VWA3A: variants seen among roughly 807,000 people sequenced by gnomAD.
The protein encoded by VWA3A is von Willebrand factor A domain-containing protein 3A.
In VWA3A, 134 loss-of-function variants were observed where a neutral mutation model predicts 160.4. That is an observed-to-expected ratio of 0.84 (90% CI 0.73 to 0.96). The LOEUF (loss-of-function observed/expected upper bound fraction) is 0.96, where lower values mean the gene tolerates loss of function less well. Ranked by LOEUF, VWA3A falls within the 40% of genes least tolerant of loss-of-function variation. The probability of loss-of-function intolerance (pLI) is 0.00; values close to 1 mark genes in which losing one functional copy is unlikely to be tolerated. For synonymous variants in VWA3A, 476 were observed against 543.4 expected (o/e 0.88, Z 1.72); for missense variants, 1,310 against 1,447.9 (o/e 0.90, Z 1.55).
intron 19 of VWA3A, among the ~76,000 whole-genome samples, chr16:22,132,065 C>G (rs548720697): frequency 6.6e-6 from 1 of 152,168 alleles, no homozygotes; most frequent in African/African-American, 2.4e-5. Flanking sequence ...AAGACCCCAT[C>G]TCTACAAAAA....
intron 23 of VWA3A, among the ~76,000 whole-genome samples, chr16:22,140,961 C>T (rs538026555): frequency 2.6e-5 from 4 of 152,242 alleles, no homozygotes; most frequent in African/African-American, 4.8e-5. Flanking sequence ...GTAACTAAAA[C>T]GATCAATGAT....
At position 22,119,022 on chromosome 16, in the gene VWA3A, G is replaced by A. The variant is rs1009706485; in HGVS notation, c.1111G>A (p.Glu371Lys). ...CTGTGAGGCGCTCACCTGCACCATG[G>A]AGGAGGTAGGTGGTGCGAGTGTCAA... ...SPCEALTCTM[E>K]EISTEITNGP... The change falls in exon 12 of 34, where the codon GAG becomes AAG. Residue 371 changes from glutamate to lysine, a missense_variant. Glu to Lys is a moderately conservative substitution (Grantham distance 56, BLOSUM62 1). Transcript: ENST00000389398. 9 of 1,610,088 alleles carry A rather than the reference G, an allele frequency of 5.6e-6. No individual in the cohort carries two copies. The African/African-American group carries it at 8.0e-5, about 14-fold the overall frequency.
At position 22,116,983 on chromosome 16, in the gene VWA3A, C is replaced by T. The variant is rs2045660033; in HGVS notation, c.924+116C>T. 9.9e-6 allele frequency: 14 copies of T among 1,408,220 alleles called. 1 individual carries two copies. In the South Asian group the frequency reaches 1.5e-4, roughly 15 times the overall value. 87.2% of individuals were successfully genotyped at this position (1,408,220 alleles called of 1,614,324 possible). On this transcript the variant is annotated intron_variant, in intron 10 of 33. Transcript: ENST00000389398. ...GAGCTGTGGACCAGAATGCACCTGT[C>T]CCTGTGCCTGGTTCTCCCTTTGGTA...
At chr16:22,138,312 T>TGG (rs1206853477) in intron 21 of VWA3A, 48 bp from the exon 22 acceptor site, 6 of 1,541,704 alleles carry the variant, frequency 3.9e-6, no homozygotes, top group Non-Finnish European at 5.3e-6. Context: ...TGTGTGTGTG[T>TGG]GTCCACAGTG....
chr16:22,144,420 C>T (rs754586833), intron 26 of VWA3A, 36 bp downstream of exon 26: 2 of 1,607,276 alleles, frequency 1.2e-6, no homozygotes, highest in Non-Finnish European at 1.7e-6. Flanking sequence ...TTTTTTTTCT[C>T]CCCCAACTCA....
intron 16 of VWA3A, 38 bp downstream of exon 16, chr16:22,123,745 C>G (rs779320656): frequency 4.5e-6 from 7 of 1,571,130 alleles, no homozygotes; most frequent in African/African-American, 1.4e-5. Flanking sequence ...CTTCATGGGT[C>G]TGGTGTGTGA....
chr16:22,097,217 G>A (rs944750197), intron 2 of VWA3A, among the ~76,000 whole-genome samples: 8 of 152,004 alleles, frequency 5.3e-5, no homozygotes, highest in African/African-American at 7.2e-5. Flanking sequence ...CGCCCGTCTC[G>A]GCCTCCCAAA....
intron 23 of VWA3A, among the ~76,000 whole-genome samples, 181 bp downstream of exon 23, chr16:22,140,425 T>C (rs924206676): frequency 1.3e-5 from 2 of 151,976 alleles, no homozygotes; most frequent in African/African-American, 4.8e-5. Flanking sequence ...CTTGACAACA[T>C]AGCAAGACTC....
chr16:22,096,066 G>A (rs1445404835), intron 1 of VWA3A, among the ~76,000 whole-genome samples: 1 of 152,128 alleles, frequency 6.6e-6, no homozygotes, highest in Non-Finnish European at 1.5e-5. Flanking sequence ...GACATTTCTG[G>A]TTGTCACATT....
At chr16:22,123,019 G>A in intron 14 of VWA3A, 66 bp from the exon 15 acceptor site, 4 of 1,392,420 alleles carry the variant, frequency 2.9e-6, no homozygotes, top group Non-Finnish European at 3.0e-6. Context: ...TGGAGAACCA[G>A]TGCCCAAATT....
Position 22,100,513 on chromosome 16 carries a change from T to C in VWA3A, c.428+20T>C. 1 of 1,546,566 alleles carries C rather than the reference T, an allele frequency of 6.5e-7. No individual in the cohort carries two copies. Among genetic ancestry groups the C allele is most frequent in the African/African-American group, 1.4e-5 (1 of 72,990 alleles). On this transcript the variant is annotated intron_variant, in intron 5 of 33. Transcript: ENST00000389398. The stretch of plus-strand genomic sequence containing the variant: ...TTCTGAGTAAGTATGTTTCTCACTG[T>C]CCTCCCAACACCACAGAACTCAAGA...
chr16:22,154,960 C>CAAAAAAAAAAAAAAAAAAAA (rs747770335), intron 31 of VWA3A, among the ~76,000 whole-genome samples: 2 of 54,446 alleles, frequency 3.7e-5, no homozygotes, highest in African/African-American at 1.2e-4. Flanking sequence ...GACTCCGTCT[C>CAAAAAAAAAAAAAAAAAAAA]AAAAAAAAAA....
chr16:22,152,834 G>A (rs548638389), intron 31 of VWA3A, among the ~76,000 whole-genome samples, 200 bp downstream of exon 31: 47 of 152,244 alleles, frequency 3.1e-4, no homozygotes, highest in African/African-American at 1.1e-3. Flanking sequence ...GCTTTTCGTT[G>A]AGACAAAATA....
intron 1 of VWA3A, among the ~76,000 whole-genome samples, chr16:22,095,456 G>A (rs2045302517): frequency 6.6e-6 from 1 of 152,204 alleles, no homozygotes. Flanking sequence ...GTCCTCAGAT[G>A]CCATCTGAAG....
At position 22,110,884 on chromosome 16, in the gene VWA3A, A is replaced by G. The variant is rs957755869; in HGVS notation, c.583-4A>G. ...GGAGCCAGTGATGTCCTTTTGTCCA[A>G]CAGAGCCTCATCGATGAGCAGCTGA... On this transcript the variant is annotated splice_region_variant and splice_polypyrimidine_tract_variant and intron_variant, in intron 7 of 33. Transcript: ENST00000389398. 1 of 1,601,734 alleles carries G rather than the reference A, an allele frequency of 6.2e-7. No individual in the cohort carries two copies. Among genetic ancestry groups the G allele is most frequent in the Admixed American group, 1.7e-5 (1 of 57,930 alleles).
chr16:22,123,656 A>C lies in VWA3A; in HGVS notation c.1481A>C (p.Glu494Ala). The change falls in exon 16 of 34, where the codon GAG becomes GCG. Residue 494 changes from glutamate to alanine, a missense_variant. Transcript: ENST00000389398. The stretch of plus-strand genomic sequence containing the variant: ...ATGCGGATGTATGAGAGGCGGATTG[A>C]GTGGCTCTCCCTGGCCAGCAGAAGA... ...RAMRMYERRI[E>A]WLSLASRRIW... 1.2e-6 allele frequency: 2 copies of C among 1,613,968 alleles called. No homozygotes were observed. Among genetic ancestry groups the C allele is most frequent in the Non-Finnish European group, 1.7e-6 (2 of 1,179,886 alleles).
rs183780967 is a variant in VWA3A at position 22,146,698 on chromosome 16, C to G, written c.2839+354C>G. ...ACTCAGGAGGCTGAGGCAGGAAAAT[C>G]GCAGAGGTTGCAGTGAGCTGAGATC... On this transcript the variant is annotated intron_variant, in intron 27 of 33. Coordinates refer to ENST00000389398, the MANE Select transcript of VWA3A (RefSeq NM_173615.5). Among the ~76,000 whole-genome samples the G allele has an allele frequency of 2.0e-5, 3 of 151,884 alleles. No homozygotes were observed. In the East Asian group the frequency reaches 5.8e-4, roughly 29 times the overall value.
intron 28 of VWA3A, among the ~76,000 whole-genome samples, chr16:22,149,443 C>T (rs1232621749): frequency 6.6e-6 from 1 of 152,168 alleles, no homozygotes; most frequent in East Asian, 1.9e-4. Flanking sequence ...GGGGGTCTCA[C>T]TATGTTGCCC....
chr16:22,152,452 TCA>T (rs1433634806), intron 30 of VWA3A, 57 bp from the exon 31 acceptor site: 1 of 1,594,310 alleles, frequency 6.3e-7, no homozygotes, highest in African/African-American at 1.4e-5. Flanking sequence ...ACGTGGGGAG[TCA>T]CACGAACTTG....
Sources: gnomAD v4.1 joint callset for allele counts (sites outside exome capture counted in the v4.1 genomes callset) on GRCh38, gnomAD v4.1.1 for gene constraint, MANE v1.5 for transcripts, NCBI Gene and HGNC (gene_info 2026-07-23, HGNC 2026-07-21) for gene names.